TBX1: variants seen among roughly 807,000 people sequenced by gnomAD.
TBX1 encodes the protein T-box transcription factor TBX1.
Under a neutral mutation model 40.8 loss-of-function variants are expected in TBX1, and 16 were observed. The ratio of observed to expected loss-of-function variants is 0.39; its 90% confidence interval spans 0.27 to 0.60. The LOEUF (loss-of-function observed/expected upper bound fraction) is 0.60, where lower values mean the gene tolerates loss of function less well. Among genes scored for constraint, TBX1 ranks in the 20% least tolerant of loss-of-function variants. TBX1 has a pLI of 0.51. For missense variants in TBX1, 755 were observed against 728.5 expected (o/e 1.04, Z -0.42); for synonymous variants, 403 against 336.8 (o/e 1.20, Z -2.15).
intron 1 of TBX1, 106 bp from the exon 2 acceptor site, chr22:19,763,135 C>T (rs1397255758): frequency 2.3e-6 from 2 of 869,908 alleles, no homozygotes; most frequent in Non-Finnish European, 1.9e-6. Context: ...ACAGCAGCCC[C>T]CAGAGGCTGG....
intron 1 of TBX1, 24 bp from the exon 2 acceptor site, chr22:19,763,217 G>A (rs1936723693): frequency 1.9e-6 from 3 of 1,607,270 alleles, no homozygotes; most frequent in Non-Finnish European, 1.7e-6. Flanking sequence ...CAGCTAGGGT[G>A]ACCCAAGGCC....
At chr22:19,758,654 T>C (rs932947233), upstream of TBX1, among the ~76,000 whole-genome samples, 2 of 152,136 alleles carry the variant, frequency 1.3e-5, no homozygotes, top group Non-Finnish European at 2.9e-5. Context: ...CTCCCTCGGC[T>C]GGCCAGGCTC....
At chr22:19,759,532 G>A (rs1352421502), upstream of TBX1, 5 of 1,548,902 alleles carry the variant, frequency 3.2e-6, no homozygotes, top group Non-Finnish European at 4.3e-6. Flanking sequence ...GAGCCAGTGC[G>A]TTCAGCATCG....
At chr22:19,776,666 C>T (rs1014781647) in intron 8 of TBX1, among the ~76,000 whole-genome samples, 2 of 152,190 alleles carry the variant, frequency 1.3e-5, no homozygotes, top group Non-Finnish European at 2.9e-5. Flanking sequence ...GTGGGCAAGA[C>T]TTCAAGAGAG....
At chr22:19,769,966 C>T (rs531615628), downstream of TBX1, among the ~76,000 whole-genome samples, 1 of 152,324 alleles carries the variant, frequency 6.6e-6, no homozygotes, top group South Asian at 2.1e-4. Context: ...TTTTAGGTTC[C>T]CCGTTGAGCA....
upstream of TBX1, among the ~76,000 whole-genome samples, chr22:19,758,692 G>T (rs9989947): frequency 1.3e-5 from 2 of 151,734 alleles, no homozygotes; most frequent in African/African-American, 4.8e-5. Flanking sequence ...GCGCCCGGCC[G>T]GTGCGCAGGG....
intron 1 of TBX1, 51 bp from the exon 2 acceptor site, chr22:19,763,190 G>A (rs2145832101): frequency 6.6e-7 from 1 of 1,519,086 alleles, no homozygotes; most frequent in African/African-American, 1.4e-5. Context: ...GGCAGGTCAA[G>A]GGGGGCTGCC....
At chr22:19,765,186 T>C (rs1342909197) in intron 4 of TBX1, 73 bp downstream of exon 4, 3 of 1,606,308 alleles carry the variant, frequency 1.9e-6, no homozygotes, top group Admixed American at 1.7e-5. Flanking sequence ...CAGTTGCCGT[T>C]TGGGGACAGT....
downstream of TBX1, chr22:19,783,025 G>A (rs755144560): frequency 2.0e-6 from 2 of 976,204 alleles, no homozygotes; most frequent in African/African-American, 3.2e-5. Flanking sequence ...ACACTTGAAG[G>A]TACTCAGGTT....
In TBX1 at chr22:19,764,252, G is replaced by A. The variant is rs748232668; in HGVS notation, c.637G>A (p.Ala213Thr). ...HYHPDSPAKG[A>T]QWMKQIVSFD... ...CCACCCGGACTCGCCTGCCAAGGGC[G>A]CGCAGTGGATGAAGCAAATCGTGTC... is the stretch of plus-strand genomic sequence containing the variant. The change falls in exon 3 of 7, where the codon GCG becomes ACG. Residue 213 changes from alanine (A) to threonine (T), a missense_variant. By Grantham distance (58) the Ala-to-Thr change is moderately conservative (BLOSUM62 0). Around this residue, in one of 3 missense-constraint regions of TBX1, gnomAD observed 144 missense variants for 238.0 expected, o/e 0.61. Transcript: ENST00000649276. 29 of 1,613,300 alleles carry A rather than the reference G, an allele frequency of 1.8e-5. No homozygotes were observed. Among genetic ancestry groups the A allele is most frequent in the South Asian group, 6.6e-5 (6 of 91,092 alleles).
chr22:19,766,215 C>T, intron 6 of TBX1, 174 bp from the exon 7 acceptor site: 2 of 1,004,878 alleles, frequency 2.0e-6, no homozygotes, highest in East Asian at 5.7e-5. Flanking sequence ...GGGGCGCGGG[C>T]CCCGGGGAGG....
rs1936641756 is a variant in TBX1 at position 19,761,043 on chromosome 22, C to T, written c.200C>T (p.Pro67Leu). The change falls in exon 1 of 7, where the codon CCC becomes CTC. Residue 67 changes from proline to leucine, a missense_variant. This residue lies in a region of TBX1 where 199 missense variants were observed against 173.0 expected (regional missense o/e 1.15). Coordinates refer to ENST00000649276, the MANE Select transcript of TBX1 (RefSeq NM_001379200.1). ...TACGACCCGTGCGCCGCCGCCGCCCCCGGCGCCCCGGGCCCGCCGCCGCCG... is the reference window on the plus strand; with the variant it reads ...TACGACCCGTGCGCCGCCGCCGCCCTCGGCGCCCCGGGCCCGCCGCCGCCG... ...PRYDPCAAAA[P>L]GAPGPPPPPH... The T allele has an allele frequency of 1.1e-6, 1 of 889,180 alleles. No individual in the cohort carries two copies. The highest frequency in any genetic ancestry group is 6.4e-5 in the Admixed American group (1 of 15,546). The allele number at this position is 889,180 out of a possible 1,614,324, so 55.1% of individuals were successfully genotyped here. A position where few individuals can be genotyped will look rare whatever the true frequency, so the allele number is the denominator to read the frequency against.
intron 1 of TBX1, among the ~76,000 whole-genome samples, chr22:19,762,552 G>A (rs1936703435): frequency 6.6e-6 from 1 of 152,230 alleles, no homozygotes; most frequent in African/African-American, 2.4e-5. Context: ...GTCCAAAGCG[G>A]GGGAGATTTG....
chr22:19,767,493 T>TGCCCGCCACGCCC (rs1569025464), downstream of TBX1, among the ~76,000 whole-genome samples: 1 of 152,142 alleles, frequency 6.6e-6, no homozygotes, highest in Non-Finnish European at 1.5e-5. Context: ...CCGCCACGCC[T>TGCCCGCCACGCCC]CCTGCCCTCT....
intron 2 of TBX1, among the ~76,000 whole-genome samples, chr22:19,763,918 T>A (rs1416046579): frequency 6.6e-6 from 1 of 152,040 alleles, no homozygotes. Flanking sequence ...AGCCTCCCCC[T>A]CTCGGTGCCC....
chr22:19,773,582 G>A (rs1445296169), intron 8 of TBX1, among the ~76,000 whole-genome samples: 1 of 152,176 alleles, frequency 6.6e-6, no homozygotes, highest in East Asian at 1.9e-4. Context: ...CTTCAGGAGA[G>A]CCCATGCCCA....
intron 8 of TBX1, chr22:19,779,160 A>G (rs1937111223): frequency 6.3e-7 from 1 of 1,592,500 alleles, no homozygotes; most frequent in South Asian, 1.1e-5. Context: ...TCTGCAAGAA[A>G]AGAGAGGCAC....
At chr22:19,769,084 C>CA (rs772271075), downstream of TBX1, among the ~76,000 whole-genome samples, 35 of 150,830 alleles carry the variant, frequency 2.3e-4, 2 homozygotes, top group South Asian at 3.8e-3. Flanking sequence ...GCTTCAGCCT[C>CA]AGAGTAGCTG....
At chr22:19,779,248 G>A in exon 9 of TBX1, 2 of 1,614,260 alleles carry the variant, frequency 1.2e-6, no homozygotes, top group East Asian at 2.2e-5. Context: ...ACAAGGAAGT[G>A]AAAGCTGAGA....
Sources: gnomAD v4.1 joint callset for allele counts (sites outside exome capture counted in the v4.1 genomes callset) on GRCh38, gnomAD v4.1.1 for gene constraint, gnomAD v4.1.1 regional missense constraint, MANE v1.5 for transcripts, NCBI Gene and HGNC (gene_info 2026-07-23, HGNC 2026-07-21) for gene names.